The following CRIM1 variants were observed in gnomAD, a reference collection of about 807,000 sequenced individuals.
The protein encoded by CRIM1 is cysteine-rich motor neuron 1 protein.
A neutral mutation model predicts 116.4 loss-of-function variants in CRIM1; 32 were observed. That is an observed-to-expected ratio of 0.27 (90% confidence interval 0.21 to 0.37). CRIM1 has a LOEUF of 0.37. Ranked by LOEUF, CRIM1 falls within the 10% of genes least tolerant of loss-of-function variation. The pLI, the probability that CRIM1 is intolerant of heterozygous loss-of-function variation, is 1.00. For missense variants in CRIM1, 1,331 were observed against 1,354.8 expected (o/e 0.98, Z 0.28); for synonymous variants, 590 against 509.2 (o/e 1.16, Z -2.13).
intron 2 of CRIM1, among the ~76,000 whole-genome samples, chr2:36,430,225 T>G (rs2124897140): frequency 6.6e-6 from 1 of 152,330 alleles, no homozygotes; most frequent in South Asian, 2.1e-4. Context: ...CTTGGGAGGC[T>G]GAACCCCATC....
intron 1 of CRIM1, among the ~76,000 whole-genome samples, chr2:36,384,618 G>A (rs781116409): frequency 3.3e-5 from 5 of 152,330 alleles, no homozygotes; most frequent in Admixed American, 6.5e-5. Context: ...GATCACTGCT[G>A]TGTAAATAAT....
chr2:36,500,527 T>A (rs879587698), intron 8 of CRIM1, among the ~76,000 whole-genome samples: 7 of 152,124 alleles, frequency 4.6e-5, no homozygotes, highest in Admixed American at 3.9e-4. Flanking sequence ...ATTTTTTTTT[T>A]AAACGATATA....
intron 9 of CRIM1, among the ~76,000 whole-genome samples, chr2:36,511,053 A>C (rs961212354): frequency 5.3e-5 from 8 of 150,640 alleles, no homozygotes; most frequent in African/African-American, 2.0e-4. Context: ...CCTCAGCCTC[A>C]GCCTCAGCCT....
intron 4 of CRIM1, among the ~76,000 whole-genome samples, chr2:36,456,418 C>T (rs186355002): frequency 6.6e-6 from 1 of 152,294 alleles, no homozygotes; most frequent in Admixed American, 6.5e-5. Flanking sequence ...ACCTATGTTG[C>T]TAAACTAAAA....
At chr2:36,482,035 C>A (rs1383313401) in intron 7 of CRIM1, among the ~76,000 whole-genome samples, 1 of 152,204 alleles carries the variant, frequency 6.6e-6, no homozygotes, top group Non-Finnish European at 1.5e-5. Context: ...TGAGATGCAT[C>A]CCTGAGTTCA....
chr2:36,480,710 A>C (rs1572838549), intron 7 of CRIM1, among the ~76,000 whole-genome samples: 2 of 152,124 alleles, frequency 1.3e-5, no homozygotes, highest in African/African-American at 4.8e-5. Flanking sequence ...AAATCATATA[A>C]AAGTTTAAGC....
intron 2 of CRIM1, among the ~76,000 whole-genome samples, chr2:36,409,331 C>T (rs766177839): frequency 6.6e-6 from 1 of 152,114 alleles, no homozygotes; most frequent in Non-Finnish European, 1.5e-5. Flanking sequence ...TTTAAATTTA[C>T]CCTTTTTGAT....
intron 4 of CRIM1, among the ~76,000 whole-genome samples, chr2:36,458,661 G>A (rs1287551916): frequency 6.6e-6 from 1 of 152,196 alleles, no homozygotes; most frequent in Non-Finnish European, 1.5e-5. Flanking sequence ...TGCTTGGAGA[G>A]GAGGAGGATC....
chr2:36,480,061 C>T (rs1372526398), intron 7 of CRIM1, among the ~76,000 whole-genome samples: 1 of 152,186 alleles, frequency 6.6e-6, no homozygotes, highest in South Asian at 2.1e-4. Context: ...ACTTGTGATG[C>T]TTCCATATGC....
chr2:36,442,105 T>C (rs926658617), intron 3 of CRIM1, among the ~76,000 whole-genome samples: 10 of 152,242 alleles, frequency 6.6e-5, no homozygotes, highest in African/African-American at 2.4e-4. Context: ...TCTTGCTTTA[T>C]ATTATTTCTA....
intron 5 of CRIM1, among the ~76,000 whole-genome samples, chr2:36,475,315 C>A (rs848548): frequency 0.39 from 59,349 of 152,016 alleles, 12,761 homozygotes; most frequent in East Asian, 0.56. Context: ...TATGTTATTA[C>A]ATTTATTCCT....
intron 2 of CRIM1, among the ~76,000 whole-genome samples, chr2:36,411,875 T>C (rs1448607264): frequency 6.6e-6 from 1 of 152,216 alleles, no homozygotes; most frequent in Non-Finnish European, 1.5e-5. Flanking sequence ...AAATAGCTTA[T>C]AGAGGATAAG....
chr2:36,504,799 T>C (rs1477769289), intron 8 of CRIM1, among the ~76,000 whole-genome samples: 1 of 152,198 alleles, frequency 6.6e-6, no homozygotes, highest in East Asian at 1.9e-4. Context: ...CTACATAAAC[T>C]CTGTATGAAA....
intron 5 of CRIM1, among the ~76,000 whole-genome samples, chr2:36,473,167 C>G (rs1456465448): frequency 6.6e-6 from 1 of 152,114 alleles, no homozygotes; most frequent in Non-Finnish European, 1.5e-5. Flanking sequence ...TCCTTGAGTA[C>G]AATGCAAATG....
At chr2:36,358,487 T>A (rs1347685592) in intron 1 of CRIM1, among the ~76,000 whole-genome samples, 2 of 152,216 alleles carry the variant, frequency 1.3e-5, no homozygotes, top group Non-Finnish European at 2.9e-5. Flanking sequence ...GTGAAGGAAG[T>A]GCTCAGGGAA....
At chr2:36,471,410 GA>G (rs1678503186) in intron 5 of CRIM1, among the ~76,000 whole-genome samples, 1 of 152,084 alleles carries the variant, frequency 6.6e-6, no homozygotes, top group African/African-American at 2.4e-5. Context: ...GTTATTTAAA[GA>G]AATTGCCACA....
In CRIM1 at chr2:36,499,227, A is replaced by G. The variant is rs747423363; in HGVS notation, c.1381A>G (p.Ile461Val). 8 of 1,610,140 alleles carry G rather than the reference A, an allele frequency of 5.0e-6. No individual in the cohort carries two copies. Among genetic ancestry groups the G allele is most frequent in the African/African-American group, 1.3e-5 (1 of 74,982 alleles). ...ECCPVCEEPTIITVDPPACGE... is the reference protein window; with the variant it reads ...ECCPVCEEPTVITVDPPACGE... ...TCTCTATTTATTATTAGAACCAACC[A>G]TCATCACAGTTGATCCACCTGCATG... is the stretch of plus-strand genomic sequence containing the variant. The change falls in exon 8 of 17, where the codon ATC becomes GTC. Residue 461 changes from isoleucine (I) to valine (V), a missense_variant. Transcript: ENST00000280527.
chr2:36,439,309 C>T (rs140887943), intron 2 of CRIM1, among the ~76,000 whole-genome samples: 1 of 152,312 alleles, frequency 6.6e-6, no homozygotes, highest in East Asian at 1.9e-4. Context: ...TTCCAACCTC[C>T]TCCCACGTCT....
chr2:36,502,139 T>C (rs906676634), intron 8 of CRIM1, among the ~76,000 whole-genome samples: 19 of 152,198 alleles, frequency 1.2e-4, no homozygotes, highest in Non-Finnish European at 1.6e-4. Flanking sequence ...GCCTGGGTTT[T>C]GCTATTGTGA....
Sources: allele counts gnomAD v4.1 joint callset (sites outside exome capture counted in the v4.1 genomes callset), GRCh38; gene constraint gnomAD v4.1.1; transcripts MANE v1.5; gene names NCBI Gene and HGNC (gene_info 2026-07-23, HGNC 2026-07-21).